CYP27C1: variants seen among roughly 807,000 people sequenced by gnomAD.
CYP27C1 encodes cytochrome P450 27C1.
In CYP27C1, 29 loss-of-function variants were observed where a neutral mutation model predicts 40.6. The ratio of observed to expected loss-of-function variants is 0.71; its 90% CI spans 0.53 to 0.97. The LOEUF is 0.97. CYP27C1 is among the 50% of genes least tolerant of loss of function. CYP27C1 has a pLI of 0.00. For missense variants in CYP27C1, 390 were observed against 485.8 expected, an observed-to-expected ratio of 0.80 and a Z score of 1.85; for synonymous variants, 198 against 186.8, an observed-to-expected ratio of 1.06 and a Z score of -0.49.
intron 1 of CYP27C1, among the ~76,000 whole-genome samples, chr2:127,217,555 G>A (rs1683457086): frequency 6.6e-6 from 1 of 152,192 alleles, no homozygotes; most frequent in South Asian, 2.1e-4. Context: ...GGCTCCACAG[G>A]TGGCTGCAGA....
intron 8 of CYP27C1, among the ~76,000 whole-genome samples, chr2:127,191,237 C>CA (rs1344196850): frequency 1.3e-5 from 2 of 151,750 alleles, no homozygotes; most frequent in East Asian, 1.9e-4. Flanking sequence ...GAGCAAGACT[C>CA]AAAAAAAATA....
chr2:127,206,224 G>C (rs150147760), intron 1 of CYP27C1, among the ~76,000 whole-genome samples, 134 bp from the exon 2 acceptor site: 2 of 152,358 alleles, frequency 1.3e-5, no homozygotes, highest in Non-Finnish European at 2.9e-5. Context: ...CACTGAATCA[G>C]AGCAGTAATT....
rs1003427569 is a variant in CYP27C1, at chr2:127,185,012, T to A, written c.*2259A>T. 6.6e-6 allele frequency: 1 copy of A among 152,228 alleles called. No individual in the cohort carries two copies. The highest frequency in any genetic ancestry group is 1.5e-5 in the Non-Finnish European group (1 of 68,162). The allele number at this position is 152,228 out of a possible 1,614,324, so 9.4% of individuals were successfully genotyped here. On this transcript the variant is annotated 3_prime_UTR_variant, in exon 9 of 9. Coordinates refer to ENST00000664447, the MANE Select transcript of CYP27C1 (RefSeq NM_001367502.1). The surrounding 1 kb of genome is among the most constrained non-coding windows in gnomAD (Gnocchi z 4.9). ...GTTTTTTGATTTTTAGTAGACAGGA[T>A]CTCACTGTGTTGCCCAAGCTTGTCT...
intron 1 of CYP27C1, among the ~76,000 whole-genome samples, chr2:127,217,523 A>G (rs1391524980): frequency 6.6e-6 from 1 of 152,238 alleles, no homozygotes; most frequent in Non-Finnish European, 1.5e-5. Flanking sequence ...TGAGGTGCAG[A>G]GAGAATGAGT....
intron 6 of CYP27C1, 80 bp from the exon 7 acceptor site, chr2:127,193,947 T>A (rs1040465690): frequency 7.0e-7 from 1 of 1,435,626 alleles, no homozygotes; most frequent in Non-Finnish European, 9.6e-7. Flanking sequence ...CCTGGATATA[T>A]TCCCATTTCC....
chr2:127,187,435 A>G (rs1375484714), intron 8 of CYP27C1, 48 bp from the exon 9 acceptor site: 14 of 1,512,078 alleles, frequency 9.3e-6, no homozygotes, highest in African/African-American at 1.4e-5. Flanking sequence ...ACAGCAGAAA[A>G]TTCTCAGTGC....
In CYP27C1 at chr2:127,187,385, C is replaced by T. The variant is rs140026310; in HGVS notation, c.1500G>A (p.Leu500=). Residue 500 remains leucine, a splice_region_variant and synonymous_variant, in exon 9 of 9, where the codon TTG becomes TTA. Coordinates refer to ENST00000664447, the MANE Select transcript of CYP27C1 (RefSeq NM_001367502.1). The part of the protein sequence containing the change: ...ELEIHLVVIQ[L]LQHFEIKTSS... ...ATGTTTTGATCTCAAAATGTTGAAG[C>T]AACTAAGAAGAGAAAGAGAGAGAAG... The T allele has an allele frequency of 2.7e-5, 43 of 1,613,530 alleles. No individual in the cohort carries two copies. The African/African-American group carries it at 4.9e-4, about 19-fold the overall frequency.
At position 127,196,182 on chromosome 2, in the gene CYP27C1, C is replaced by T. The variant is rs1177242500; in HGVS notation, c.1048-681G>A. ...GGTTCATGCCATTCTCCTGCCTCAG[C>T]CTCCCGAGTAGCTGGGACTACAGGC... On this transcript the variant is annotated intron_variant, in intron 5 of 8. Coordinates refer to ENST00000664447, the MANE Select transcript of CYP27C1 (RefSeq NM_001367502.1). The surrounding 1 kb of genome is among the most constrained non-coding windows in gnomAD (Gnocchi z 4.5). Among the ~76,000 whole-genome samples the T allele has an allele frequency of 6.6e-6, 1 of 152,082 alleles. No homozygotes were observed. Among genetic ancestry groups the T allele is most frequent in the Non-Finnish European group, 1.5e-5 (1 of 68,014 alleles).
intron 5 of CYP27C1, 56 bp downstream of exon 5, chr2:127,199,320 T>C: frequency 6.3e-7 from 1 of 1,586,052 alleles, no homozygotes; most frequent in Non-Finnish European, 8.6e-7. Flanking sequence ...GTCCATGAGG[T>C]GATGAGGAAG....
rs1682581163 is a variant in CYP27C1, at chr2:127,184,778, CCT to C, written c.*2491_*2492del. The C allele has an allele frequency of 2.6e-5, 4 of 152,220 alleles. No homozygotes were observed. The highest frequency in any genetic ancestry group is 2.6e-4 in the Admixed American group (4 of 15,276). The allele number at this position is 152,220 out of a possible 1,614,324, so 9.4% of individuals were successfully genotyped here. A position where few individuals can be genotyped will look rare whatever the true frequency, so the allele number is the denominator to read the frequency against. ...AAACCCGAGACATTGGTCCTATAGA[CCT>C]CACTCTATTCTGGATTTTGCTGACT... On this transcript the variant is annotated 3_prime_UTR_variant, in exon 9 of 9. Coordinates refer to ENST00000664447, the MANE Select transcript of CYP27C1 (RefSeq NM_001367502.1).
At position 127,195,589 on chromosome 2, in the gene CYP27C1, G is replaced by A; in HGVS notation, c.1048-88C>T. ...CGGTGGCAGGTAGGAAGTCCCCTGG[G>A]AATACACACAGCACAAAGTCAAACT... is the stretch of plus-strand genomic sequence containing the variant. On this transcript the variant is annotated intron_variant, in intron 5 of 8. Coordinates refer to ENST00000664447, the MANE Select transcript of CYP27C1 (RefSeq NM_001367502.1). The surrounding 1 kb of genome is among the most constrained non-coding windows in gnomAD (Gnocchi z 6.2). 7.3e-7 allele frequency: 1 copy of A among 1,371,842 alleles called. No homozygotes were observed. The highest frequency in any genetic ancestry group is 1.0e-6 in the Non-Finnish European group (1 of 994,942). The allele number at this position is 1,371,842 out of a possible 1,614,324, so 85.0% of individuals were successfully genotyped here.
chr2:127,199,352 T>A (rs754615537), intron 5 of CYP27C1, 24 bp downstream of exon 5: 2 of 1,610,618 alleles, frequency 1.2e-6, no homozygotes, highest in Non-Finnish European at 1.7e-6. Context: ...TGTTGCTTGC[T>A]GAGAACAGGA....
intron 2 of CYP27C1, among the ~76,000 whole-genome samples, chr2:127,205,431 T>A (rs768179005): frequency 2.6e-5 from 4 of 152,200 alleles, no homozygotes; most frequent in Admixed American, 6.5e-5. Flanking sequence ...GAGGTGTTGG[T>A]GACGCTGGTT....
rs951777631 is a variant in CYP27C1 at position 127,201,702 on chromosome 2, G to A, written c.674-371C>T. ...GAGCCCTGGGGAGGGGACAATCACC[G>A]AGCGTGTCACTGCTCTCCCCCAACA... is the stretch of plus-strand genomic sequence containing the variant. On this transcript the variant is annotated intron_variant, in intron 3 of 8. Transcript: ENST00000664447. The surrounding 1 kb of genome is among the most constrained non-coding windows in gnomAD (Gnocchi z 6.0). Among the ~76,000 whole-genome samples, 12 of 152,194 alleles carry A rather than the reference G, an allele frequency of 7.9e-5. No homozygotes were observed. The highest frequency in any genetic ancestry group is 2.4e-4 in the African/African-American group (10 of 41,446).
chr2:127,210,288 A>C (rs1389070391), intron 1 of CYP27C1, among the ~76,000 whole-genome samples: 1 of 152,198 alleles, frequency 6.6e-6, no homozygotes. Flanking sequence ...GAGAAATAAA[A>C]TCCTTTCCAG....
At chr2:127,198,841 C>T (rs553858685) in intron 5 of CYP27C1, among the ~76,000 whole-genome samples, 1 of 152,318 alleles carries the variant, frequency 6.6e-6, no homozygotes, top group South Asian at 2.1e-4. Flanking sequence ...CACGCAATGA[C>T]AGGACCACCC....
rs1368041060 is a variant in CYP27C1 at position 127,219,066 on chromosome 2, T to A, written c.282+923A>T. ...GCGAACTCCAGGTGTCGCCCCCAAC[T>A]CCGGCTTAGAGCCTACGGCACCCCG... On this transcript the variant is annotated intron_variant, in intron 1 of 8. Coordinates refer to ENST00000664447, the MANE Select transcript of CYP27C1 (RefSeq NM_001367502.1). The surrounding 1 kb of genome is among the most constrained non-coding windows in gnomAD (Gnocchi z 8.7). Among the ~76,000 whole-genome samples, 1 of 151,780 alleles carries A rather than the reference T, an allele frequency of 6.6e-6. No individual in the cohort carries two copies. Among genetic ancestry groups the A allele is most frequent in the Non-Finnish European group, 1.5e-5 (1 of 67,904 alleles).
intron 1 of CYP27C1, among the ~76,000 whole-genome samples, chr2:127,211,831 T>C (rs940741574): frequency 2.0e-5 from 3 of 150,956 alleles, no homozygotes; most frequent in African/African-American, 7.3e-5. Flanking sequence ...AGACAAGAAA[T>C]AACTAAGATC....
rs1179186211 is a variant in CYP27C1, at chr2:127,219,236, C to T, written c.282+753G>A. Reference sequence around the variant, plus strand: ...AGGGAACCTAGCGCTCCCCTCGGGCCGGCCCCAGGCAGCAGCCCCCCTCAG... The same window carrying T: ...AGGGAACCTAGCGCTCCCCTCGGGCTGGCCCCAGGCAGCAGCCCCCCTCAG... On this transcript the variant is annotated intron_variant, in intron 1 of 8. Transcript: ENST00000664447. This position sits in a 1 kb window ranked among gnomAD's most constrained non-coding sequence, Gnocchi z 8.7. Among the ~76,000 whole-genome samples, 2 of 152,118 alleles carry T rather than the reference C, an allele frequency of 1.3e-5. No homozygotes were observed. Among genetic ancestry groups the T allele is most frequent in the Admixed American group, 6.5e-5 (1 of 15,280 alleles).
Sources: gnomAD v4.1 joint callset for allele counts (sites outside exome capture counted in the v4.1 genomes callset) on GRCh38, gnomAD v4.1.1 for gene constraint, Gnocchi (gnomAD v3.1) non-coding constraint, MANE v1.5 for transcripts, NCBI Gene and HGNC (gene_info 2026-07-23, HGNC 2026-07-21) for gene names.